Variants in C3orf20 observed in about 807,000 individuals in gnomAD.
C3orf20 encodes family with sequence similarity 149 member C.
C3orf20 carries 76 observed loss-of-function variants against 88.3 expected under a neutral mutation model. That is an observed-to-expected ratio of 0.86 (90% CI 0.72 to 1.04). The LOEUF (loss-of-function observed/expected upper bound fraction) is 1.04. Among genes scored for constraint, C3orf20 ranks in the 50% least tolerant of loss-of-function variants. The pLI is 0.00. For synonymous variants in C3orf20, 436 were observed against 437.4 expected, an observed-to-expected ratio of 1.00 and a Z score of 0.04; for missense variants, 1,056 against 1,123.3, an observed-to-expected ratio of 0.94 and a Z score of 0.86.
At chr3:14,756,803 A>G (rs2035387365) in intron 12 of C3orf20, among the ~76,000 whole-genome samples, 1 of 152,250 alleles carries the variant, frequency 6.6e-6, no homozygotes, top group South Asian at 2.1e-4. Flanking sequence ...AGCACATGGC[A>G]GGGACTTTGG....
chr3:14,739,997 C>T (rs1234618373), intron 12 of C3orf20, among the ~76,000 whole-genome samples: 1 of 152,162 alleles, frequency 6.6e-6, no homozygotes, highest in Non-Finnish European at 1.5e-5. Flanking sequence ...AAACTTTCTC[C>T]ATATCAGCAA....
At chr3:14,714,688 C>G (rs1165746392) in intron 8 of C3orf20, among the ~76,000 whole-genome samples, 1 of 152,144 alleles carries the variant, frequency 6.6e-6, no homozygotes, top group Non-Finnish European at 1.5e-5. Flanking sequence ...ACTGCAGCCT[C>G]GAACTCCTGG....
rs2033346186 is a variant in C3orf20, at chr3:14,703,170, G to A, written c.786G>A (p.Leu262=). Residue 262 remains leucine, a synonymous_variant, in exon 6 of 17, where the codon CTG becomes CTA. Transcript: ENST00000253697. ...CAGAAGATGTCAGCATGCCGCCCCTGCATCGAGGAGTGGGAACCCCTGCCA... is the reference window on the plus strand; with the variant it reads ...CAGAAGATGTCAGCATGCCGCCCCTACATCGAGGAGTGGGAACCCCTGCCA... ...RTTEDVSMPP[L]HRGVGTPANS... is the part of the protein sequence containing the mutation. 3 of 1,614,186 alleles carry A rather than the reference G, an allele frequency of 1.9e-6. No homozygotes were observed. Among genetic ancestry groups the A allele is most frequent in the Non-Finnish European group, 2.5e-6 (3 of 1,180,036 alleles).
chr3:14,768,889 A>G lies in C3orf20; in HGVS notation c.2496-3178A>G, dbSNP rs565300408. Among the ~76,000 whole-genome samples, 2 of 152,142 alleles carry G rather than the reference A, an allele frequency of 1.3e-5. No individual in the cohort carries two copies. Among genetic ancestry groups the G allele is most frequent in the African/African-American group, 4.8e-5 (2 of 41,448 alleles). On this transcript the variant is annotated intron_variant, in intron 15 of 16. Coordinates refer to ENST00000253697, the MANE Select transcript of C3orf20 (RefSeq NM_032137.5). The surrounding 1 kb of genome is among the most constrained non-coding windows in gnomAD (Gnocchi z 4.1). ...TGGTCTTTTTTGCTTATCCCTGACC[A>G]AGGATGGTCTCAGAATCAACCTCTA... is the stretch of plus-strand genomic sequence containing the variant.
At chr3:14,687,556 C>A (rs894402755) in intron 4 of C3orf20, among the ~76,000 whole-genome samples, 19 of 152,140 alleles carry the variant, frequency 1.2e-4, no homozygotes, top group African/African-American at 4.3e-4. Flanking sequence ...GCTTAAAGAT[C>A]TCCCTCATTT....
Position 14,714,120 on chromosome 3 carries a change from C to G in C3orf20, c.1274C>G (p.Thr425Ser), listed in dbSNP as rs752686717. 1 of 1,614,040 alleles carries G rather than the reference C, an allele frequency of 6.2e-7. No homozygotes were observed. Among genetic ancestry groups the G allele is most frequent in the East Asian group, 2.2e-5 (1 of 44,878 alleles). Residue 425 changes from threonine (T) to serine (S), a missense_variant, in exon 8 of 17, where the codon ACT becomes AGT. Coordinates refer to ENST00000253697, the MANE Select transcript of C3orf20 (RefSeq NM_032137.5). ...TTCTCCTTGCTGGCCCTATTCAATACTGAAGGCCAGGGCTGTGTTCACTAC... is the reference window on the plus strand; with the variant it reads ...TTCTCCTTGCTGGCCCTATTCAATAGTGAAGGCCAGGGCTGTGTTCACTAC... ...PGFSLLALFN[T>S]EGQGCVHYNL...
Position 14,722,235 on chromosome 3 carries a change from T to G in C3orf20, c.1566+451T>G, listed in dbSNP as rs114455511. 599 of 322,534 alleles carry G rather than the reference T, an allele frequency of 1.9e-3. 2 individuals are homozygous for G. The highest frequency in any genetic ancestry group is 0.012 in the African/African-American group (561 of 46,558). 20.0% of individuals were successfully genotyped at this position (322,534 alleles called of 1,614,324 possible). On this transcript the variant is annotated intron_variant, in intron 10 of 16. Coordinates refer to ENST00000253697, the MANE Select transcript of C3orf20 (RefSeq NM_032137.5). ...TGGGCTATTATTATACCAGCTTTAG[T>G]GCCCCTGGAAGAAGGAGGGCTTCTG... is the stretch of plus-strand genomic sequence containing the variant.
intron 1 of C3orf20, among the ~76,000 whole-genome samples, 164 bp downstream of exon 1, chr3:14,675,416 G>T (rs2031709206): frequency 6.6e-6 from 1 of 152,186 alleles, no homozygotes; most frequent in African/African-American, 2.4e-5. Context: ...TGTACTGGGG[G>T]CGAGAGGCCA....
chr3:14,742,147 G>C (rs533015910), intron 12 of C3orf20, among the ~76,000 whole-genome samples: 1 of 152,164 alleles, frequency 6.6e-6, no homozygotes, highest in Non-Finnish European at 1.5e-5. Context: ...TTGCCATTAC[G>C]TTTAATGACA....
At chr3:14,693,199 A>C (rs1027922853) in intron 5 of C3orf20, among the ~76,000 whole-genome samples, 1 of 152,144 alleles carries the variant, frequency 6.6e-6, no homozygotes, top group Non-Finnish European at 1.5e-5. Flanking sequence ...AGCTTTGGCT[A>C]TTCTAGGTCT....
rs987086323 is a variant in C3orf20, at chr3:14,757,483, T to G, written c.2053T>G (p.Cys685Gly). The change falls in exon 13 of 17, where the codon TGC becomes GGC. Residue 685 changes from cysteine (C) to glycine (G), a missense_variant. Coordinates refer to ENST00000253697, the MANE Select transcript of C3orf20 (RefSeq NM_032137.5). ...LKEDTRAGCK[C>G]LVKAPLVSDV... ...GGAAGACACCCGTGCTGGCTGCAAG[T>G]GCCTGGTGAAGGCGCCCCTGGTCTC... 3.1e-6 allele frequency: 5 copies of G among 1,613,424 alleles called. No individual in the cohort carries two copies. Among genetic ancestry groups the G allele is most frequent in the African/African-American group, 2.7e-5 (2 of 74,906 alleles).
intron 4 of C3orf20, among the ~76,000 whole-genome samples, chr3:14,686,152 G>A (rs541820453): frequency 6.6e-5 from 10 of 151,452 alleles, no homozygotes; most frequent in East Asian, 1.9e-4. Flanking sequence ...GAGCCACCAC[G>A]CCCAGCCCAG....
intron 15 of C3orf20, among the ~76,000 whole-genome samples, chr3:14,769,226 GA>G (rs1439973017): frequency 2.6e-5 from 4 of 152,026 alleles, no homozygotes; most frequent in Non-Finnish European, 5.9e-5. Context: ...CTAGAGCTCA[GA>G]GGGCTTGGCA....
At chr3:14,684,037 A>C (rs2032260252) in intron 3 of C3orf20, among the ~76,000 whole-genome samples, 1 of 152,098 alleles carries the variant, frequency 6.6e-6, no homozygotes, top group South Asian at 2.1e-4. Context: ...GTAGGAAGAG[A>C]GACAGGCAAA....
chr3:14,692,547 T>C (rs2032787532), intron 5 of C3orf20, among the ~76,000 whole-genome samples: 1 of 152,220 alleles, frequency 6.6e-6, no homozygotes, highest in South Asian at 2.1e-4. Flanking sequence ...ATGTCTTTTT[T>C]TGAGAAGAAT....
rs754825505 is a variant in C3orf20 at position 14,683,025 on chromosome 3, T to G, written c.312T>G (p.Arg104=). The G allele has an allele frequency of 1.9e-6, 3 of 1,612,690 alleles. No homozygotes were observed. Among genetic ancestry groups the G allele is most frequent in the Non-Finnish European group, 2.5e-6 (3 of 1,179,312 alleles). Residue 104 remains arginine, a synonymous_variant, in exon 3 of 17, where the codon CGT becomes CGG. Coordinates refer to ENST00000253697, the MANE Select transcript of C3orf20 (RefSeq NM_032137.5). Reference sequence around the variant, plus strand: ...CTCCACCACCACCAGCACCACCACGTCCAGTGCTGCTGGCAACCACTGGGG... The same window carrying G: ...CTCCACCACCACCAGCACCACCACGGCCAGTGCTGCTGGCAACCACTGGGG... ...PLPPPPPAPP[R]PVLLATTGAA...
rs2034103644 is a variant in C3orf20, at chr3:14,720,239, C to T, written c.1435-1414C>T. Among the ~76,000 whole-genome samples the T allele has an allele frequency of 2.0e-5, 3 of 152,108 alleles. No homozygotes were observed. In the South Asian group the frequency reaches 6.2e-4, roughly 31 times the overall value. Reference sequence around the variant, plus strand: ...TAGAGACGGGGTTTCACCGTATTAGCCAGGATGGTCTCGATCTCCTGACCT... The same window carrying T: ...TAGAGACGGGGTTTCACCGTATTAGTCAGGATGGTCTCGATCTCCTGACCT... On this transcript the variant is annotated intron_variant, in intron 9 of 16. Transcript: ENST00000253697.
Position 14,691,036 on chromosome 3 carries a change from C to T in C3orf20, c.745+920C>T, listed in dbSNP as rs539817226. ...GCGTGCCTTGTATTTCATCACTCAC[C>T]ATATCGAGCTGATCCTATACTCTTT... On this transcript the variant is annotated intron_variant, in intron 5 of 16. Transcript: ENST00000253697. 4.1e-4 allele frequency among the ~76,000 whole-genome samples: 63 copies of T among 152,346 alleles called. 2 individuals are homozygous for T. The South Asian group carries it at 8.1e-3, about 20-fold the overall frequency.
At position 14,684,224 on chromosome 3, in the gene C3orf20, T is replaced by C; in HGVS notation, c.485-18T>C. The C allele has an allele frequency of 6.2e-7, 1 of 1,613,346 alleles. No homozygotes were observed. The highest frequency in any genetic ancestry group is 1.7e-5 in the Admixed American group (1 of 59,902). On this transcript the variant is annotated intron_variant, in intron 3 of 16. Coordinates refer to ENST00000253697, the MANE Select transcript of C3orf20 (RefSeq NM_032137.5). ...CCATGCTAGGAGGGACACGTGTTGC[T>C]TTCTATCATTGCTTTAGTGGGTGCC...
Sources: allele counts gnomAD v4.1 joint callset (sites outside exome capture counted in the v4.1 genomes callset), GRCh38; gene constraint gnomAD v4.1.1; non-coding constraint Gnocchi (gnomAD v3.1); transcripts MANE v1.5; gene names NCBI Gene and HGNC (gene_info 2026-07-23, HGNC 2026-07-21).